The following ENPEP variants were observed in gnomAD, a reference collection of about 807,000 sequenced individuals.
The protein encoded by ENPEP is AP-A.
A neutral mutation model predicts 114.5 loss-of-function variants in ENPEP; 103 were observed. The ratio of observed to expected loss-of-function variants is 0.90; its 90% CI spans 0.77 to 1.06. The LOEUF is 1.06. ENPEP is among the 50% of genes least tolerant of loss of function. The pLI, the probability that ENPEP is intolerant of heterozygous loss-of-function variation, is 0.00. For missense variants in ENPEP, 1,196 were observed against 1,161.3 expected (o/e 1.03, Z -0.43); for synonymous variants, 420 against 422.0 (o/e 1.00, Z 0.06).
At chr4:110,527,699 A>G (rs1726249496) in intron 10 of ENPEP, among the ~76,000 whole-genome samples, 1 of 152,182 alleles carries the variant, frequency 6.6e-6, no homozygotes, top group South Asian at 2.1e-4. Context: ...TGTTCTAGCA[A>G]ATTAGATTAA....
intron 10 of ENPEP, among the ~76,000 whole-genome samples, chr4:110,526,984 C>T (rs1400240076): frequency 5.9e-5 from 9 of 152,090 alleles, no homozygotes; most frequent in Non-Finnish European, 1.3e-4. Context: ...CCACAGTGAT[C>T]GTAGCCATAT....
rs554064818 is a variant in ENPEP at position 110,561,303 on chromosome 4, G to T, written c.2722-103G>T. Reference sequence around the variant, plus strand: ...TAGCTCAACGTTGTGCAGTGATACTGAATTTCTAGGTAAGAAGAAAGCAAA... The same window carrying T: ...TAGCTCAACGTTGTGCAGTGATACTTAATTTCTAGGTAAGAAGAAAGCAAA... On this transcript the variant is annotated intron_variant, in intron 19 of 19. Coordinates refer to ENST00000265162, the MANE Select transcript of ENPEP (RefSeq NM_001977.4). 73 of 1,246,070 alleles carry T rather than the reference G, an allele frequency of 5.9e-5. No homozygotes were observed. In the South Asian group the frequency reaches 7.6e-4, roughly 13 times the overall value. 77.2% of individuals were successfully genotyped at this position (1,246,070 alleles called of 1,614,324 possible). A position where few individuals can be genotyped will look rare whatever the true frequency, so the allele number is the denominator to read the frequency against.
intron 3 of ENPEP, among the ~76,000 whole-genome samples, chr4:110,503,447 A>G (rs1725239518): frequency 6.6e-6 from 1 of 152,162 alleles, no homozygotes; most frequent in Non-Finnish European, 1.5e-5. Context: ...GTTATATTGT[A>G]ATCCTTAGTT....
intron 10 of ENPEP, among the ~76,000 whole-genome samples, chr4:110,527,295 C>A (rs1353868465): frequency 6.6e-6 from 1 of 152,172 alleles, no homozygotes; most frequent in Admixed American, 6.5e-5. Flanking sequence ...TCCGGCCTCT[C>A]TTCCTGGAAA....
intron 1 of ENPEP, among the ~76,000 whole-genome samples, chr4:110,483,835 C>T (rs1490152417): frequency 6.6e-6 from 1 of 152,136 alleles, no homozygotes; most frequent in Non-Finnish European, 1.5e-5. Flanking sequence ...ATAAAATCTT[C>T]CCAAAGAAGT....
chr4:110,529,398 G>A (rs1020788223), intron 10 of ENPEP, among the ~76,000 whole-genome samples: 1 of 152,146 alleles, frequency 6.6e-6, no homozygotes, highest in Non-Finnish European at 1.5e-5. Context: ...AGCAGACCCC[G>A]AAATGATCAT....
chr4:110,494,119 G>C (rs1465990709), intron 3 of ENPEP, among the ~76,000 whole-genome samples: 1 of 152,108 alleles, frequency 6.6e-6, no homozygotes, highest in African/African-American at 2.4e-5. Flanking sequence ...ACGAGAAAAC[G>C]ATCAGAAATA....
At chr4:110,508,397 A>G (rs1725448645) in intron 4 of ENPEP, among the ~76,000 whole-genome samples, 1 of 152,210 alleles carries the variant, frequency 6.6e-6, no homozygotes, top group Non-Finnish European at 1.5e-5. Flanking sequence ...TTTTGAAATG[A>G]CTGTCTTGTG....
chr4:110,544,017 G>A (rs1300428320), intron 13 of ENPEP, among the ~76,000 whole-genome samples: 1 of 152,074 alleles, frequency 6.6e-6, no homozygotes, highest in Admixed American at 6.6e-5. Flanking sequence ...AAATAGAGAG[G>A]TGGAAGAATA....
chr4:110,518,663 C>T (rs918348154), intron 8 of ENPEP, among the ~76,000 whole-genome samples: 6 of 152,220 alleles, frequency 3.9e-5, no homozygotes, highest in African/African-American at 1.4e-4. Flanking sequence ...ACCACACACA[C>T]TGATCCAGGG....
chr4:110,494,442 C>A (rs560321889), intron 3 of ENPEP, among the ~76,000 whole-genome samples: 1 of 152,290 alleles, frequency 6.6e-6, no homozygotes, highest in African/African-American at 2.4e-5. Context: ...CTTATCCATT[C>A]TTCTTCTGAC....
At chr4:110,495,219 T>A (rs1724881490) in intron 3 of ENPEP, among the ~76,000 whole-genome samples, 2 of 152,178 alleles carry the variant, frequency 1.3e-5, no homozygotes, top group African/African-American at 2.4e-5. Flanking sequence ...TTTGAGTTTT[T>A]AAAATTATAG....
intron 3 of ENPEP, among the ~76,000 whole-genome samples, chr4:110,495,507 G>A (rs1048932077): frequency 6.6e-6 from 1 of 152,136 alleles, no homozygotes; most frequent in Admixed American, 6.5e-5. Flanking sequence ...GATTACTTGA[G>A]GTCAGGAGTT....
intron 10 of ENPEP, among the ~76,000 whole-genome samples, chr4:110,523,128 G>A (rs1365022775): frequency 2.6e-5 from 4 of 151,962 alleles, no homozygotes; most frequent in Non-Finnish European, 5.9e-5. Context: ...TTGGGAAGAT[G>A]AAAAAAACTT....
chr4:110,501,946 T>C (rs930569938), intron 3 of ENPEP, among the ~76,000 whole-genome samples: 5 of 152,306 alleles, frequency 3.3e-5, no homozygotes, highest in Non-Finnish European at 4.4e-5. Flanking sequence ...TTTGCCAGCA[T>C]GTTATTTTTT....
In ENPEP at chr4:110,498,305, G is replaced by A. The variant is rs559375508; in HGVS notation, c.918+7141G>A. 7.9e-5 allele frequency among the ~76,000 whole-genome samples: 12 copies of A among 152,032 alleles called. No homozygotes were observed. The South Asian group carries it at 1.7e-3, about 21-fold the overall frequency. On this transcript the variant is annotated intron_variant, in intron 3 of 19. Transcript: ENST00000265162. Reference sequence around the variant, plus strand: ...TTTGGGGGATCCTTTAAGCATGCTCGTCATTTAAAATGATGTGGCTCTTTG... The same window carrying A: ...TTTGGGGGATCCTTTAAGCATGCTCATCATTTAAAATGATGTGGCTCTTTG...
chr4:110,486,803 G>A (rs1182087114), intron 1 of ENPEP, among the ~76,000 whole-genome samples: 1 of 152,182 alleles, frequency 6.6e-6, no homozygotes, highest in East Asian at 1.9e-4. Flanking sequence ...AAGATGGGGG[G>A]AATTGAAATG....
At chr4:110,478,704 G>T (rs1724201979) in intron 1 of ENPEP, among the ~76,000 whole-genome samples, 1 of 152,166 alleles carries the variant, frequency 6.6e-6, no homozygotes, top group South Asian at 2.1e-4. Flanking sequence ...TTCCCAAAGT[G>T]CTGGGATTAT....
rs1727772094 is a variant in ENPEP at position 110,564,676 on chromosome 4, A to G, written c.*3118A>G. On this transcript the variant is annotated 3_prime_UTR_variant, in exon 20 of 20. Transcript: ENST00000265162. ...TATGTGTTAGCCTGTGTTATTGTTC[A>G]TAAATAGTAATTGCCCTGGTCTGGA... The G allele has an allele frequency of 1.3e-5, 2 of 152,348 alleles. No homozygotes were observed. Among genetic ancestry groups the G allele is most frequent in the South Asian group, 4.1e-4 (2 of 4,824 alleles). 9.4% of individuals were successfully genotyped at this position (152,348 alleles called of 1,614,324 possible). A position where few individuals can be genotyped will look rare whatever the true frequency, so the allele number is the denominator to read the frequency against.
Sources: gnomAD v4.1 joint callset for allele counts (sites outside exome capture counted in the v4.1 genomes callset) on GRCh38, gnomAD v4.1.1 for gene constraint, MANE v1.5 for transcripts, NCBI Gene and HGNC (gene_info 2026-07-23, HGNC 2026-07-21) for gene names.